HERC1: variants seen among roughly 807,000 people sequenced by gnomAD.
HERC1 encodes probable E3 ubiquitin-protein ligase HERC1.
In HERC1, 160 loss-of-function variants were observed where a neutral mutation model predicts 554.3. The observed-to-expected ratio is 0.29, with a 90% CI of 0.25 to 0.33. The LOEUF (loss-of-function observed/expected upper bound fraction) is 0.33, where lower values mean the gene tolerates loss of function less well. Ranked by LOEUF, HERC1 falls within the 10% of genes least tolerant of loss-of-function variation. The pLI is 1.00. For missense variants in HERC1, 4,919 were observed against 5,918.5 expected (o/e 0.83, Z 5.54); for synonymous variants, 2,175 against 2,131.7 (o/e 1.02, Z -0.56).
rs757870895 is a variant in HERC1, at chr15:63,674,339, T to C, written c.7846+3A>G. ...CAAAAAAAAAAAAAATCAGATAACA[T>C]ACCTTGCTTAATTTTGCCCCCAAAC... is the stretch of plus-strand genomic sequence containing the variant. On this transcript the variant is annotated splice_donor_region_variant and intron_variant, in intron 38 of 77. Transcript: ENST00000443617. 6.3e-7 allele frequency: 1 copy of C among 1,575,940 alleles called. No homozygotes were observed. Among genetic ancestry groups the C allele is most frequent in the Non-Finnish European group, 8.6e-7 (1 of 1,160,466 alleles).
intron 74 of HERC1, 115 bp downstream of exon 74, chr15:63,622,700 G>C (rs2068136448): frequency 3.0e-6 from 2 of 670,160 alleles, no homozygotes; most frequent in Non-Finnish European, 4.9e-6. Flanking sequence ...GAGGACTGAA[G>C]GGGATAATAG....
chr15:63,645,771 G>T, intron 55 of HERC1, 89 bp from the exon 56 acceptor site: 1 of 733,936 alleles, frequency 1.4e-6, no homozygotes, highest in South Asian at 2.2e-5. Flanking sequence ...ATATTTCTTA[G>T]CATCTATATT....
At chr15:63,707,694 C>T (rs183978098) in intron 24 of HERC1, among the ~76,000 whole-genome samples, 98 of 152,002 alleles carry the variant, frequency 6.4e-4, no homozygotes, top group African/African-American at 2.2e-3. Flanking sequence ...TTTGGAAAGC[C>T]GAGGCAGGTG....
chr15:63,624,600 T>C (rs562651353), intron 71 of HERC1, among the ~76,000 whole-genome samples: 1 of 152,240 alleles, frequency 6.6e-6, no homozygotes, highest in African/African-American at 2.4e-5. Flanking sequence ...GAGGCTGAGG[T>C]GGGTGGATCA....
At chr15:63,828,740 G>A (rs1254980268) in intron 1 of HERC1, among the ~76,000 whole-genome samples, 3 of 152,232 alleles carry the variant, frequency 2.0e-5, no homozygotes, top group Non-Finnish European at 2.9e-5. Flanking sequence ...AACTAGGGTT[G>A]GAGGGAACCC....
At chr15:63,804,683 A>G (rs1294935990) in intron 1 of HERC1, among the ~76,000 whole-genome samples, 2 of 152,206 alleles carry the variant, frequency 1.3e-5, no homozygotes, top group Non-Finnish European at 2.9e-5. Flanking sequence ...AGATGAAAGA[A>G]ACTATTTTGT....
intron 1 of HERC1, among the ~76,000 whole-genome samples, chr15:63,786,441 A>T: frequency 6.6e-6 from 1 of 152,138 alleles, no homozygotes; most frequent in East Asian, 1.9e-4. Context: ...TCATATGAAA[A>T]CTTGTACACA....
intron 1 of HERC1, among the ~76,000 whole-genome samples, chr15:63,791,988 G>C (rs1428023945): frequency 2.0e-5 from 3 of 152,032 alleles, no homozygotes; most frequent in African/African-American, 7.2e-5. Flanking sequence ...TCTGAGTTGG[G>C]GGCAAAGTGT....
At position 63,790,597 on chromosome 15, in the gene HERC1, A is replaced by T. The variant is rs4984315; in HGVS notation, c.-26-14948T>A. Among the ~76,000 whole-genome samples the T allele has an allele frequency of 3.9e-4, 54 of 137,766 alleles. 1 individual carries two copies. The highest frequency in any genetic ancestry group is 1.4e-3 in the East Asian group (7 of 5,166). The allele number at this position is 137,766 out of a possible 152,430, so 90.4% of individuals were successfully genotyped here. A position where few individuals can be genotyped will look rare whatever the true frequency, so the allele number is the denominator to read the frequency against. ...CGTCTCAAAAAAAAATTTTTTTTTTAAAAAGTACTTTTTAAATACTAGAAT... is the reference window on the plus strand; with the variant it reads ...CGTCTCAAAAAAAAATTTTTTTTTTTAAAAGTACTTTTTAAATACTAGAAT... On this transcript the variant is annotated intron_variant, in intron 1 of 77. Coordinates refer to ENST00000443617, the MANE Select transcript of HERC1 (RefSeq NM_003922.4).
At chr15:63,751,977 G>A (rs987471202) in intron 8 of HERC1, among the ~76,000 whole-genome samples, 1 of 152,060 alleles carries the variant, frequency 6.6e-6, no homozygotes, top group African/African-American at 2.4e-5. Flanking sequence ...CATAAAAAAA[G>A]AAGCACATGA....
At chr15:63,626,303 G>A in intron 70 of HERC1, 149 bp from the exon 71 acceptor site, 1 of 742,158 alleles carries the variant, frequency 1.3e-6, no homozygotes, top group Admixed American at 3.2e-5. Context: ...TCTTAGTTTG[G>A]TGTGTGCATT....
chr15:63,657,199 T>C (rs2070087936), intron 48 of HERC1, among the ~76,000 whole-genome samples: 1 of 152,098 alleles, frequency 6.6e-6, no homozygotes. Context: ...TCTAGTGTTT[T>C]AAATGTTTGC....
At position 63,656,701 on chromosome 15, in the gene HERC1, C is replaced by G. The variant is rs552953255; in HGVS notation, c.9600-343G>C. Among the ~76,000 whole-genome samples the G allele has an allele frequency of 4.6e-5, 7 of 152,330 alleles. No homozygotes were observed. In the South Asian group the frequency reaches 1.0e-3, roughly 23 times the overall value. On this transcript the variant is annotated intron_variant, in intron 48 of 77. Transcript: ENST00000443617. ...ACATTGCCAGTACCTCAGAAACCTG[C>G]TTTGGGCTTTTCTCAGTCACGATGC...
Position 63,666,059 on chromosome 15 carries a change from C to G in HERC1, c.8415G>C (p.Gln2805His). 6.2e-7 allele frequency: 1 copy of G among 1,614,034 alleles called. No homozygotes were observed. The highest frequency in any genetic ancestry group is 8.5e-7 in the Non-Finnish European group (1 of 1,179,886). Reference protein sequence around the residue: ...HPGHEDEEEPQSGSTADSRPG... With the variant: ...HPGHEDEEEPHSGSTADSRPG... ...GCCTAGAGTCTGCTGTGCTGCCCGA[C>G]TGGGGCTCCTCTTCATCCTCATGCC... Residue 2805 changes from glutamine (Q) to histidine (H), a missense_variant, in exon 42 of 78, where the codon CAG becomes CAC. Coordinates refer to ENST00000443617, the MANE Select transcript of HERC1 (RefSeq NM_003922.4).
At chr15:63,745,541 A>G (rs1420388948) in intron 12 of HERC1, among the ~76,000 whole-genome samples, 1 of 152,174 alleles carries the variant, frequency 6.6e-6, no homozygotes, top group Non-Finnish European at 1.5e-5. Context: ...CTAACAGGAT[A>G]GCATTGAGTT....
At chr15:63,693,911 T>C in intron 30 of HERC1, 53 bp downstream of exon 30, 1 of 1,506,582 alleles carries the variant, frequency 6.6e-7, no homozygotes, top group Non-Finnish European at 8.9e-7. Flanking sequence ...ATGCACACAA[T>C]GGGGTTTTAA....
chr15:63,830,203 T>G (rs2078108072), intron 1 of HERC1, among the ~76,000 whole-genome samples: 1 of 152,210 alleles, frequency 6.6e-6, no homozygotes, highest in Non-Finnish European at 1.5e-5. Flanking sequence ...GTAACTTTAC[T>G]GTGAAGAATA....
At chr15:63,683,671 T>C (rs1452498149) in intron 34 of HERC1, among the ~76,000 whole-genome samples, 1 of 152,192 alleles carries the variant, frequency 6.6e-6, no homozygotes, top group Non-Finnish European at 1.5e-5. Context: ...TTTTAAGAGA[T>C]AGGGTCTCTT....
chr15:63,659,699 T>C (rs566942654), intron 47 of HERC1, 37 bp downstream of exon 47: 3 of 1,429,444 alleles, frequency 2.1e-6, no homozygotes, highest in African/African-American at 1.4e-5. Flanking sequence ...TTATAGTAGA[T>C]GCTATAAAAT....
Sources: gnomAD v4.1 joint callset for allele counts (sites outside exome capture counted in the v4.1 genomes callset) on GRCh38, gnomAD v4.1.1 for gene constraint, MANE v1.5 for transcripts, NCBI Gene and HGNC (gene_info 2026-07-23, HGNC 2026-07-21) for gene names.